MALRD1: variants seen among roughly 807,000 people sequenced by gnomAD.
MALRD1 encodes MAM and LDL receptor class A domain containing 1.
MALRD1 carries 247 observed loss-of-function variants against 242.1 expected under a neutral mutation model. That is an observed-to-expected ratio of 1.02 (90% CI 0.92 to 1.13). The LOEUF is 1.13. MALRD1 is among the 50% of genes most tolerant of loss of function. The pLI, the probability that MALRD1 is intolerant of heterozygous loss-of-function variation, is 0.00. For missense variants in MALRD1, 2,989 were observed against 2,533.1 expected, an observed-to-expected ratio of 1.18 and a Z score of -3.86; for synonymous variants, 995 against 866.6, an observed-to-expected ratio of 1.15 and a Z score of -2.60.
intron 29 of MALRD1, among the ~76,000 whole-genome samples, chr10:19,466,063 A>G (rs925746832): frequency 6.6e-6 from 1 of 152,216 alleles, no homozygotes; most frequent in African/African-American, 2.4e-5. Flanking sequence ...ATCTATGATT[A>G]ATAATGGGGT....
chr10:19,237,360 G>A (rs1173816242), intron 18 of MALRD1, among the ~76,000 whole-genome samples: 2 of 149,354 alleles, frequency 1.3e-5, no homozygotes, highest in African/African-American at 4.9e-5. Context: ...TTTTTTTTAA[G>A]ATTCCACATA....
chr10:19,211,348 C>A (rs530392358), intron 18 of MALRD1, among the ~76,000 whole-genome samples: 2 of 151,810 alleles, frequency 1.3e-5, no homozygotes, highest in East Asian at 3.9e-4. Context: ...AGATTCAGGC[C>A]CGAAAAGATG....
At position 19,238,463 on chromosome 10, in the gene MALRD1, A is replaced by ATTAT. The variant is rs1554817755; in HGVS notation, c.2992-19221_2992-19220insTTAT. Among the ~76,000 whole-genome samples the ATTAT allele has an allele frequency of 7.0e-3, 257 of 36,868 alleles. 14 individuals carry two copies. Among genetic ancestry groups the ATTAT allele is most frequent in the African/African-American group, 0.014 (75 of 5,298 alleles). 24.2% of individuals were successfully genotyped at this position (36,868 alleles called of 152,430 possible). A position where few individuals can be genotyped will look rare whatever the true frequency, so the allele number is the denominator to read the frequency against. ...ATAATATACATTATATATAATATAT[A>ATTAT]ATATAATATATAATATACATTATAT... On this transcript the variant is annotated intron_variant, in intron 18 of 39. Transcript: ENST00000454679.
intron 38 of MALRD1, among the ~76,000 whole-genome samples, chr10:19,712,839 A>ATT (rs1285459980): frequency 1.4e-4 from 22 of 152,358 alleles, no homozygotes; most frequent in African/African-American, 5.0e-4. Flanking sequence ...GATAGCCAGC[A>ATT]AAAGCATGTT....
chr10:19,497,282 T>C (rs918879148), intron 30 of MALRD1, among the ~76,000 whole-genome samples: 2 of 149,990 alleles, frequency 1.3e-5, no homozygotes, highest in African/African-American at 5.0e-5. Flanking sequence ...TTTATCCATA[T>C]CACATAATAA....
intron 21 of MALRD1, among the ~76,000 whole-genome samples, chr10:19,284,276 G>A (rs1250188597): frequency 6.8e-6 from 1 of 147,260 alleles, no homozygotes; most frequent in African/African-American, 2.5e-5. Context: ...TATACTTTAA[G>A]TTTTAGGGTA....
rs557818453 is a variant in MALRD1 at position 19,709,243 on chromosome 10, T to TAAAAAAA, written c.6314+16708_6314+16714dup. Among the ~76,000 whole-genome samples the TAAAAAAA allele has an allele frequency of 1.8e-4, 19 of 105,920 alleles. No individual in the cohort carries two copies. In the East Asian group the frequency reaches 2.9e-3, roughly 16 times the overall value. 69.5% of individuals were successfully genotyped at this position (105,920 alleles called of 152,430 possible). On this transcript the variant is annotated intron_variant, in intron 38 of 39. Coordinates refer to ENST00000454679, the MANE Select transcript of MALRD1 (RefSeq NM_001142308.3). ...TAACATGGTGAAACCCCGTCTGTAC[T>TAAAAAAA]AAAAAAAAAAAAAAAAAAAAAAAAA...
At chr10:19,600,664 C>G (rs1225676410) in intron 34 of MALRD1, among the ~76,000 whole-genome samples, 1 of 152,110 alleles carries the variant, frequency 6.6e-6, no homozygotes, top group Non-Finnish European at 1.5e-5. Context: ...CATAGTCTTA[C>G]ATATTCTACG....
At chr10:19,317,351 C>G (rs954364721) in intron 21 of MALRD1, among the ~76,000 whole-genome samples, 4 of 151,756 alleles carry the variant, frequency 2.6e-5, no homozygotes, top group African/African-American at 9.7e-5. Context: ...ACAGTTTTAC[C>G]CTAAAAACCC....
At chr10:19,226,031 A>G (rs1837785214) in intron 18 of MALRD1, among the ~76,000 whole-genome samples, 1 of 152,214 alleles carries the variant, frequency 6.6e-6, no homozygotes, top group Non-Finnish European at 1.5e-5. Flanking sequence ...TCTCAATATC[A>G]GAAACAAATA....
intron 33 of MALRD1, among the ~76,000 whole-genome samples, chr10:19,589,059 G>T (rs900781620): frequency 2.6e-5 from 4 of 152,140 alleles, no homozygotes; most frequent in African/African-American, 9.7e-5. Flanking sequence ...TACATTTTAA[G>T]CGTTGGATTA....
At chr10:19,523,490 A>G (rs1281413354) in intron 31 of MALRD1, among the ~76,000 whole-genome samples, 1 of 152,218 alleles carries the variant, frequency 6.6e-6, no homozygotes, top group African/African-American at 2.4e-5. Flanking sequence ...TCGCATGACC[A>G]TGAAACAAGT....
intron 32 of MALRD1, among the ~76,000 whole-genome samples, chr10:19,561,714 A>ATTT (rs72513837): frequency 2.9e-4 from 43 of 149,222 alleles, no homozygotes; most frequent in African/African-American, 9.3e-4. Flanking sequence ...GCCTCTCAGC[A>ATTT]TTTTTTTTTT....
At chr10:19,509,452 CTCAAAGTACAAAGAAGACTTCAGGGT>C (rs1480673327) in intron 31 of MALRD1, among the ~76,000 whole-genome samples, 1 of 152,142 alleles carries the variant, frequency 6.6e-6, no homozygotes, top group Non-Finnish European at 1.5e-5. Flanking sequence ...TATCTAGGAA[CTCAAAGTACAAAGAAGACTTCAGGGT>C]AATGGCCTCT....
intron 36 of MALRD1, among the ~76,000 whole-genome samples, chr10:19,674,653 ACATT>A (rs1228923959): frequency 6.6e-6 from 1 of 152,230 alleles, no homozygotes; most frequent in Admixed American, 6.5e-5. Context: ...GCCAGAATAT[ACATT>A]TGAAAGGAAA....
At chr10:19,289,895 A>G (rs140952797) in intron 21 of MALRD1, among the ~76,000 whole-genome samples, 1 of 152,256 alleles carries the variant, frequency 6.6e-6, no homozygotes, top group Admixed American at 6.5e-5. Flanking sequence ...TCTTTCTCTG[A>G]TCCCGGCTGT....
Position 19,323,962 on chromosome 10 carries a change from G to A in MALRD1, c.3433G>A (p.Gly1145Ser). Residue 1145 changes from glycine (G) to serine (S), a missense_variant, in exon 22 of 40, where the codon GGC (glycine) becomes AGC (serine). By Grantham distance (56) the Gly-to-Ser change is moderately conservative. Transcript: ENST00000454679. ...TTCCTTTTCCAGAAATACCACTGAT[G>A]GCTGGTACCTGTATGCTGACAGTTC... The part of the protein sequence containing the change: ...SVDHTQNTTD[G>S]WYLYADSSNG... 6.4e-7 allele frequency: 1 copy of A among 1,550,642 alleles called. No individual in the cohort carries two copies. Among genetic ancestry groups the A allele is most frequent in the South Asian group, 1.2e-5 (1 of 84,056 alleles).
intron 31 of MALRD1, among the ~76,000 whole-genome samples, chr10:19,502,706 T>C (rs1838029947): frequency 6.6e-6 from 1 of 152,184 alleles, no homozygotes; most frequent in Non-Finnish European, 1.5e-5. Context: ...GCCTGTGAGC[T>C]CGTTAGATAT....
chr10:19,295,441 G>A (rs1463459995), intron 21 of MALRD1, among the ~76,000 whole-genome samples: 1 of 145,258 alleles, frequency 6.9e-6, no homozygotes, highest in African/African-American at 2.6e-5. Context: ...CATTTTTTAT[G>A]CCTTGCCCAA....
Sources: gnomAD v4.1 joint callset for allele counts (sites outside exome capture counted in the v4.1 genomes callset) on GRCh38, gnomAD v4.1.1 for gene constraint, MANE v1.5 for transcripts, NCBI Gene and HGNC (gene_info 2026-07-23, HGNC 2026-07-21) for gene names.